KIF11: variants seen among roughly 807,000 people sequenced by gnomAD.
The protein encoded by KIF11 is kinesin-like protein KIF11.
Under a neutral mutation model 121.0 loss-of-function variants are expected in KIF11, and 9 were observed. The observed-to-expected ratio is 0.07, with a 90% CI of 0.04 to 0.13. KIF11 has a LOEUF of 0.13. KIF11 is among the 10% of genes least tolerant of loss of function. The pLI is 1.00. For missense variants in KIF11, 846 were observed against 1,217.5 expected, an observed-to-expected ratio of 0.69 and a Z score of 4.54; for synonymous variants, 408 against 421.0, an observed-to-expected ratio of 0.97 and a Z score of 0.38.
intron 1 of KIF11, among the ~76,000 whole-genome samples, chr10:92,593,872 AAAC>A (rs1301695977): frequency 1.3e-5 from 2 of 152,220 alleles, no homozygotes; most frequent in African/African-American, 4.8e-5. Context: ...CATCCCTACT[AAAC>A]AAGTAAACAT....
At chr10:92,617,420 A>T (rs1844568304) in intron 9 of KIF11, among the ~76,000 whole-genome samples, 1 of 152,240 alleles carries the variant, frequency 6.6e-6, no homozygotes, top group Admixed American at 6.5e-5. Flanking sequence ...ATTGCTGAAT[A>T]GTATTCAATT....
chr10:92,630,868 A>AG (rs1368411704), intron 12 of KIF11, among the ~76,000 whole-genome samples: 1 of 7,312 alleles, frequency 1.4e-4, no homozygotes, highest in African/African-American at 1.4e-3. Flanking sequence ...ACTCCGTCTC[A>AG]AAAAAAAAAA....
chr10:92,636,096 T>A (rs1404237684), intron 14 of KIF11, among the ~76,000 whole-genome samples: 2 of 152,240 alleles, frequency 1.3e-5, no homozygotes, highest in Non-Finnish European at 2.9e-5. Flanking sequence ...GTTCTTCTGA[T>A]ACAATAGGAT....
chr10:92,615,928 C>T (rs1225282948), intron 8 of KIF11, among the ~76,000 whole-genome samples: 1 of 151,006 alleles, frequency 6.6e-6, no homozygotes, highest in Non-Finnish European at 1.5e-5. Context: ...CAGTCTTCGC[C>T]ACCCGGGTTC....
At chr10:92,608,763 T>A (rs1324647848) in intron 4 of KIF11, among the ~76,000 whole-genome samples, 1 of 152,164 alleles carries the variant, frequency 6.6e-6, no homozygotes. Context: ...GTAGATAGGT[T>A]CCATTGGTTT....
intron 1 of KIF11, among the ~76,000 whole-genome samples, chr10:92,600,017 A>G (rs1190289388): frequency 8.7e-6 from 1 of 114,352 alleles, no homozygotes; most frequent in Admixed American, 9.1e-5. Context: ...TTTATTTATT[A>G]TTTTTTGAGA....
intron 1 of KIF11, among the ~76,000 whole-genome samples, chr10:92,596,321 T>G (rs923727269): frequency 3.9e-5 from 6 of 152,256 alleles, no homozygotes; most frequent in Admixed American, 6.5e-5. Flanking sequence ...CTTCTTACTT[T>G]TAGCTATTAT....
Position 92,613,654 on chromosome 10 carries a change from G to A in KIF11, c.1032+35G>A. The A allele has an allele frequency of 6.4e-7, 1 of 1,566,714 alleles. No homozygotes were observed. Among genetic ancestry groups the A allele is most frequent in the Non-Finnish European group, 8.6e-7 (1 of 1,157,844 alleles). On this transcript the variant is annotated intron_variant, in intron 8 of 21. Coordinates refer to ENST00000260731, the MANE Select transcript of KIF11 (RefSeq NM_004523.4). This position sits in a 1 kb window ranked among gnomAD's most constrained non-coding sequence, Gnocchi z 4.2. The stretch of plus-strand genomic sequence containing the variant: ...TTGAAAGGAAGCTGCAAGTGTAGTA[G>A]CTGTAATTCTTATTTGGCTATTATA...
chr10:92,647,998 A>C (rs1395999346), intron 18 of KIF11, among the ~76,000 whole-genome samples: 1 of 151,714 alleles, frequency 6.6e-6, no homozygotes, highest in African/African-American at 2.4e-5. Context: ...AGTCCCAGCT[A>C]CCTGGGAGGC....
chr10:92,599,656 T>C (rs1244647729), intron 1 of KIF11, among the ~76,000 whole-genome samples: 1 of 150,478 alleles, frequency 6.6e-6, no homozygotes, highest in Admixed American at 6.7e-5. Flanking sequence ...GAGTTTTCTT[T>C]TCTTTTTTTT....
chr10:92,603,941 G>A (rs1162939016), intron 1 of KIF11, among the ~76,000 whole-genome samples: 2 of 152,022 alleles, frequency 1.3e-5, no homozygotes. Context: ...TGTATCTCCA[G>A]TGTCTAGAAA....
At chr10:92,612,229 G>C (rs1374746744) in intron 6 of KIF11, among the ~76,000 whole-genome samples, 1 of 151,796 alleles carries the variant, frequency 6.6e-6, no homozygotes, top group East Asian at 1.9e-4. Context: ...TTGACCTCCT[G>C]GGCTAAAGTG....
rs952012807 is a variant in KIF11, at chr10:92,630,268, A to G, written c.1398A>G (p.Lys466=). 13 of 1,610,300 alleles carry G rather than the reference A, an allele frequency of 8.1e-6. No individual in the cohort carries two copies. The highest frequency in any genetic ancestry group is 1.1e-5 in the Non-Finnish European group (13 of 1,177,634). Residue 466 remains lysine (K), a synonymous_variant, in exon 12 of 22, where the codon AAA becomes AAG. Coordinates refer to ENST00000260731, the MANE Select transcript of KIF11 (RefSeq NM_004523.4). The part of the protein sequence containing the change: ...NKTQELETTQ[K]HLQETKLQLV... ...CACAAGAACTTGAAACCACTCAAAAACATTTGCAAGAAACTAAATTACAAC... is the reference window on the plus strand; with the variant it reads ...CACAAGAACTTGAAACCACTCAAAAGCATTTGCAAGAAACTAAATTACAAC...
Position 92,650,482 on chromosome 10 carries a change from G to A in KIF11, c.3004G>A (p.Asp1002Asn). Residue 1002 changes from aspartate (D) to asparagine (N), a missense_variant, in exon 21 of 22, where the codon GAT becomes AAT. Physicochemically the swap from Asp to Asn is conservative, Grantham distance 23. Around this residue, in one of 5 missense-constraint regions of KIF11, gnomAD observed 492 missense variants for 603.4 expected, o/e 0.82. Transcript: ENST00000260731. Reference sequence around the variant, plus strand: ...AGAGCCATCTGTAGATGCTGGTGTGGATTGTTCATCAATTGGCGGGGTTCC... The same window carrying A: ...AGAGCCATCTGTAGATGCTGGTGTGAATTGTTCATCAATTGGCGGGGTTCC... Reference protein sequence around the residue: ...SQEPSVDAGVDCSSIGGVPFF... With the variant: ...SQEPSVDAGVNCSSIGGVPFF... The A allele has an allele frequency of 6.2e-7, 1 of 1,613,144 alleles. No individual in the cohort carries two copies. The highest frequency in any genetic ancestry group is 8.5e-7 in the Non-Finnish European group (1 of 1,179,142).
intron 21 of KIF11, 148 bp from the exon 22 acceptor site, chr10:92,653,517 G>C (rs568111345): frequency 1.7e-6 from 1 of 605,306 alleles, no homozygotes; most frequent in African/African-American, 1.8e-5. Context: ...TTGCCAAATT[G>C]TTGGCTCAAA....
Position 92,633,737 on chromosome 10 carries a change from T to C in KIF11, c.1817T>C (p.Met606Thr), listed in dbSNP as rs201259912. Residue 606 changes from methionine (M) to threonine (T), a missense_variant, in exon 14 of 22, where the codon ATG (methionine) becomes ACG (threonine). Met to Thr is a moderately conservative substitution (Grantham distance 81, BLOSUM62 -1). Around this residue, in one of 5 missense-constraint regions of KIF11, gnomAD observed 492 missense variants for 603.4 expected, o/e 0.82. Coordinates refer to ENST00000260731, the MANE Select transcript of KIF11 (RefSeq NM_004523.4). Reference sequence around the variant, plus strand: ...ACTCATGTTTCTCAGATTTTTAATATGATACTAAAAGAACAATCATTAGCA... The same window carrying C: ...ACTCATGTTTCTCAGATTTTTAATACGATACTAAAAGAACAATCATTAGCA... The part of the protein sequence containing the change: ...VSTHVSQIFN[M>T]ILKEQSLAAE... 4.5e-5 allele frequency: 72 copies of C among 1,598,338 alleles called. 1 individual carries two copies. The East Asian group carries it at 1.5e-3, about 34-fold the overall frequency.
intron 6 of KIF11, among the ~76,000 whole-genome samples, chr10:92,611,765 G>A (rs1844499365): frequency 1.3e-5 from 2 of 152,082 alleles, no homozygotes; most frequent in African/African-American, 2.4e-5. Flanking sequence ...TTGGTGTGGT[G>A]GCGTGTGCCT....
intron 10 of KIF11, among the ~76,000 whole-genome samples, chr10:92,623,543 G>C (rs1304945358): frequency 6.6e-6 from 1 of 152,076 alleles, no homozygotes; most frequent in Non-Finnish European, 1.5e-5. Flanking sequence ...CTTTTTTGTA[G>C]ATGTTAACAC....
intron 14 of KIF11, among the ~76,000 whole-genome samples, chr10:92,634,247 T>C (rs1454266918): frequency 6.6e-6 from 1 of 151,212 alleles, no homozygotes; most frequent in Non-Finnish European, 1.5e-5. Context: ...CCTCCCAAAG[T>C]GCTGGGATTA....
Sources: allele counts gnomAD v4.1 joint callset (sites outside exome capture counted in the v4.1 genomes callset), GRCh38; gene constraint gnomAD v4.1.1; regional missense constraint gnomAD v4.1.1; non-coding constraint Gnocchi (gnomAD v3.1); transcripts MANE v1.5; gene names NCBI Gene and HGNC (gene_info 2026-07-23, HGNC 2026-07-21).